Variants in TTLL11 observed in about 807,000 individuals in gnomAD.
TTLL11 encodes tubulin tyrosine ligase like 11, also known as tubulin polyglutamylase TTLL11.
Under a neutral mutation model 51.7 loss-of-function variants are expected in TTLL11, and 42 were observed. The observed-to-expected ratio is 0.81, with a 90% CI of 0.64 to 1.05. The LOEUF (loss-of-function observed/expected upper bound fraction) is 1.05, where lower values mean the gene tolerates loss of function less well. Ranked by LOEUF, TTLL11 falls within the 50% of genes least tolerant of loss-of-function variation. The pLI is 0.00. For missense variants in TTLL11, 799 were observed against 940.4 expected, an observed-to-expected ratio of 0.85 and a Z score of 1.97; for synonymous variants, 381 against 383.5, an observed-to-expected ratio of 0.99 and a Z score of 0.08.
At chr9:122,017,480 T>C (rs570916148) in intron 3 of TTLL11, among the ~76,000 whole-genome samples, 1 of 151,712 alleles carries the variant, frequency 6.6e-6, no homozygotes, top group African/African-American at 2.4e-5. Context: ...GGCTTTTTTT[T>C]TTTTTTTTTG....
intron 8 of TTLL11, among the ~76,000 whole-genome samples, chr9:121,859,884 C>T (rs1340664663): frequency 2.0e-5 from 3 of 152,318 alleles, no homozygotes; most frequent in African/African-American, 4.8e-5. Context: ...GGAGCTCCTC[C>T]GCTGAGTTCC....
chr9:122,070,677 G>A (rs1845703550), intron 1 of TTLL11, among the ~76,000 whole-genome samples: 1 of 152,186 alleles, frequency 6.6e-6, no homozygotes. Flanking sequence ...GGAGACGGAA[G>A]GACAGACAAA....
At chr9:122,019,540 C>T (rs1225495466) in intron 3 of TTLL11, among the ~76,000 whole-genome samples, 1 of 152,186 alleles carries the variant, frequency 6.6e-6, no homozygotes, top group East Asian at 1.9e-4. Flanking sequence ...GCCTCGACCT[C>T]CTGGGCTCAG....
At chr9:121,916,490 T>C (rs181154212) in intron 6 of TTLL11, among the ~76,000 whole-genome samples, 22 of 150,892 alleles carry the variant, frequency 1.5e-4, no homozygotes, top group Admixed American at 3.3e-4. Context: ...AGATGTATAC[T>C]ATTTTTATAA....
chr9:121,828,482 A>G (rs973220150), intron 8 of TTLL11, among the ~76,000 whole-genome samples: 5 of 151,992 alleles, frequency 3.3e-5, no homozygotes, highest in African/African-American at 1.2e-4. Context: ...GCCACACGGA[A>G]CTTCATTTTG....
intron 6 of TTLL11, among the ~76,000 whole-genome samples, chr9:121,911,959 C>A (rs954105473): frequency 4.6e-5 from 7 of 152,076 alleles, no homozygotes; most frequent in Admixed American, 1.3e-4. Context: ...AAAGAATAAC[C>A]CTTTGAGGGA....
chr9:121,826,529 G>A (rs1406947900), intron 8 of TTLL11, among the ~76,000 whole-genome samples: 1,105 of 26,296 alleles, frequency 0.042, 43 homozygotes, highest in Middle Eastern at 0.069. Flanking sequence ...ATATATATAT[G>A]TGTGTGTGTA....
intron 8 of TTLL11, among the ~76,000 whole-genome samples, chr9:121,831,929 G>T (rs1462318528): frequency 6.6e-6 from 1 of 152,086 alleles, no homozygotes; most frequent in Non-Finnish European, 1.5e-5. Flanking sequence ...CTGAGATTGG[G>T]GTGCCAGCAC....
At chr9:121,953,848 C>T (rs1841935736) in intron 6 of TTLL11, among the ~76,000 whole-genome samples, 1 of 152,108 alleles carries the variant, frequency 6.6e-6, no homozygotes, top group Non-Finnish European at 1.5e-5. Context: ...TTGGAACCCA[C>T]CCAGAGATTT....
intron 1 of TTLL11, among the ~76,000 whole-genome samples, chr9:122,060,301 G>C (rs903178878): frequency 6.6e-6 from 1 of 152,178 alleles, no homozygotes; most frequent in Non-Finnish European, 1.5e-5. Context: ...CTAACTATTT[G>C]TATAGTGATT....
At chr9:121,925,635 G>C (rs934022019) in intron 6 of TTLL11, among the ~76,000 whole-genome samples, 7 of 152,168 alleles carry the variant, frequency 4.6e-5, no homozygotes, top group African/African-American at 1.7e-4. Flanking sequence ...GACCTCCTTA[G>C]GTTTCCCTTA....
At chr9:122,035,012 C>A (rs1227572685) in intron 2 of TTLL11, among the ~76,000 whole-genome samples, 4 of 152,210 alleles carry the variant, frequency 2.6e-5, no homozygotes, top group African/African-American at 9.6e-5. Flanking sequence ...ACCCATTTTT[C>A]CGGTGTTCTA....
In TTLL11 at chr9:121,945,522, G is replaced by A. The variant is rs931062937; in HGVS notation, c.1481+28487C>T. Among the ~76,000 whole-genome samples the A allele has an allele frequency of 3.9e-5, 6 of 152,106 alleles. 1 individual carries two copies. The highest frequency in any genetic ancestry group is 2.0e-4 in the Admixed American group (3 of 15,280). Reference sequence around the variant, plus strand: ...GCCATTCCTCCTCTAAAGTGTCCACGAGGTCCTCCTCTCTGCCCACAGGGC... The same window carrying A: ...GCCATTCCTCCTCTAAAGTGTCCACAAGGTCCTCCTCTCTGCCCACAGGGC... On this transcript the variant is annotated intron_variant, in intron 6 of 8. Transcript: ENST00000321582.
chr9:121,831,591 C>T (rs1348092784), intron 8 of TTLL11, among the ~76,000 whole-genome samples: 1 of 151,684 alleles, frequency 6.6e-6, no homozygotes, highest in African/African-American at 2.4e-5. Context: ...TGCCAGCTAC[C>T]TGGGAGGCTG....
At chr9:122,012,678 G>GCGCACACA (rs577271170) in intron 3 of TTLL11, among the ~76,000 whole-genome samples, 1 of 142,554 alleles carries the variant, frequency 7.0e-6, no homozygotes, top group African/African-American at 2.6e-5. Flanking sequence ...ACACACACAC[G>GCGCACACA]CACACACACA....
At position 121,890,219 on chromosome 9, in the gene TTLL11, G is replaced by A. The variant is rs1839173635; in HGVS notation, c.1482-19471C>T. Reference sequence around the variant, plus strand: ...GGATTCCCCATCCATCCAGTGTCTGGGCCAGAAACCAGAGAGAAGAGATTC... The same window carrying A: ...GGATTCCCCATCCATCCAGTGTCTGAGCCAGAAACCAGAGAGAAGAGATTC... On this transcript the variant is annotated intron_variant, in intron 6 of 8. Transcript: ENST00000321582. This position sits in a 1 kb window ranked among gnomAD's most constrained non-coding sequence, Gnocchi z 4.3. Among the ~76,000 whole-genome samples the A allele has an allele frequency of 6.6e-6, 1 of 152,022 alleles. No homozygotes were observed. The highest frequency in any genetic ancestry group is 6.6e-5 in the Admixed American group (1 of 15,252).
chr9:121,931,548 G>C (rs987115899), intron 6 of TTLL11, among the ~76,000 whole-genome samples: 4 of 132,990 alleles, frequency 3.0e-5, no homozygotes, highest in African/African-American at 1.1e-4. Flanking sequence ...TTCGAGACCA[G>C]CCTGATCAAC....
At chr9:121,872,902 T>C (rs373087049) in intron 6 of TTLL11, among the ~76,000 whole-genome samples, 292 of 152,336 alleles carry the variant, frequency 1.9e-3, no homozygotes, top group African/African-American at 6.8e-3. Flanking sequence ...TCTGCTAAAA[T>C]GATTTTGTCA....
rs1484935665 is a variant in TTLL11, at chr9:122,093,096, G to A, written c.53C>T (p.Ala18Val). 8 of 1,500,144 alleles carry A rather than the reference G, an allele frequency of 5.3e-6. No individual in the cohort carries two copies. In the Admixed American group the frequency reaches 6.3e-5, roughly 12 times the overall value. 92.9% of individuals were successfully genotyped at this position (1,500,144 alleles called of 1,614,324 possible). A position where few individuals can be genotyped will look rare whatever the true frequency, so the allele number is the denominator to read the frequency against. ...GGCCGCCGCTTTGGCCGCAGCCACC[G>A]CCTCCGCCTCCCACCGGGCCGCCAG... The part of the protein sequence containing the change: ...SELAARWEAE[A>V]VAAAKAAAKA... The change falls in exon 1 of 9, where the codon GCG becomes GTG. Residue 18 changes from alanine (A) to valine (V), a missense_variant. By Grantham distance (64) the Ala-to-Val change is moderately conservative. Transcript: ENST00000321582.
Sources: gnomAD v4.1 joint callset for allele counts (sites outside exome capture counted in the v4.1 genomes callset) on GRCh38, gnomAD v4.1.1 for gene constraint, Gnocchi (gnomAD v3.1) non-coding constraint, MANE v1.5 for transcripts, NCBI Gene and HGNC (gene_info 2026-07-23, HGNC 2026-07-21) for gene names.